The following TEKT3 variants were observed in gnomAD, a reference collection of about 807,000 sequenced individuals.
The protein encoded by TEKT3 is tektin 3.
A neutral mutation model predicts 49.8 loss-of-function variants in TEKT3; 49 were observed. The ratio of observed to expected loss-of-function variants is 0.98; its 90% CI spans 0.78 to 1.25. The LOEUF (loss-of-function observed/expected upper bound fraction) is 1.25, where lower values mean the gene tolerates loss of function less well. Among genes scored for constraint, TEKT3 ranks in the 50% most tolerant of loss-of-function variants. The probability of loss-of-function intolerance (pLI) is 0.00; values close to 1 mark genes in which losing one functional copy is unlikely to be tolerated. For synonymous variants in TEKT3, 225 were observed against 237.2 expected (o/e 0.95, Z 0.47); for missense variants, 595 against 629.5 (o/e 0.95, Z 0.59).
Position 15,303,823 on chromosome 17 carries a change from C to T in TEKT3, c.*113G>A. 9.8e-7 allele frequency: 1 copy of T among 1,017,228 alleles called. No homozygotes were observed. Among genetic ancestry groups the T allele is most frequent in the Admixed American group, 2.1e-5 (1 of 46,694 alleles). The allele number at this position is 1,017,228 out of a possible 1,614,324, so 63.0% of individuals were successfully genotyped here. A position where few individuals can be genotyped will look rare whatever the true frequency, so the allele number is the denominator to read the frequency against. On this transcript the variant is annotated 3_prime_UTR_variant, in exon 9 of 9. Transcript: ENST00000395930. Reference sequence around the variant, plus strand: ...TCCGAGACAGGAGGTTGGTACATTTCCATCAGCATAATCCTTTAATAAGTG... The same window carrying T: ...TCCGAGACAGGAGGTTGGTACATTTTCATCAGCATAATCCTTTAATAAGTG...
At chr17:15,338,751 C>T (rs1912104488) in intron 2 of TEKT3, among the ~76,000 whole-genome samples, 1 of 145,226 alleles carries the variant, frequency 6.9e-6, no homozygotes, top group Non-Finnish European at 1.5e-5. Context: ...CTCCTGAACT[C>T]GTGATCTGCC....
upstream of TEKT3, among the ~76,000 whole-genome samples, chr17:15,341,823 G>C (rs1912245280): frequency 6.6e-6 from 1 of 152,220 alleles, no homozygotes; most frequent in South Asian, 2.1e-4. Context: ...GACCTCCTTG[G>C]TTTGGGAGGT....
At chr17:15,342,143 C>G (rs570800017), upstream of TEKT3, among the ~76,000 whole-genome samples, 5 of 152,158 alleles carry the variant, frequency 3.3e-5, no homozygotes, top group Non-Finnish European at 5.9e-5. Context: ...AACAGCAGCC[C>G]GTACTGTTTC....
At position 15,314,227 on chromosome 17, in the gene TEKT3, G is replaced by A. The variant is rs780891530; in HGVS notation, c.738C>T (p.Ala246=). The A allele has an allele frequency of 4.3e-6, 7 of 1,614,152 alleles. No individual in the cohort carries two copies. The East Asian group carries it at 1.6e-4, about 36-fold the overall frequency. The change falls in exon 6 of 9, where the codon GCC becomes GCT. Residue 246 remains alanine (A), a synonymous_variant. Coordinates refer to ENST00000395930, the MANE Select transcript of TEKT3 (RefSeq NM_031898.3). ...HLDKAIAQLA[A]NRASQHELEK... ...CCAGCTCATGCTGGGACGCTCTGTT[G>A]GCTCTGCAATACAGAGTCGGGAAGT...
chr17:15,331,208 G>A lies in TEKT3; in HGVS notation c.378C>T (p.Arg126=), dbSNP rs769739488. 4 of 1,614,188 alleles carry A rather than the reference G, an allele frequency of 2.5e-6. No homozygotes were observed. Among genetic ancestry groups the A allele is most frequent in the East Asian group, 4.5e-5 (2 of 44,892 alleles). ...NSEKLRVDTS[R]LIQDKYQQTR... is the part of the protein sequence containing the mutation. ...TTTGTTGATATTTGTCTTGAATCAG[G>A]CGAGATGTATCCACTCTTAGTTTCT... Residue 126 remains arginine (R), a synonymous_variant, in exon 3 of 9, where the codon CGC becomes CGT. Transcript: ENST00000395930.
chr17:15,343,554 C>T (rs1433815543), upstream of TEKT3, among the ~76,000 whole-genome samples: 1 of 152,324 alleles, frequency 6.6e-6, no homozygotes, highest in East Asian at 1.9e-4. Flanking sequence ...GTGTCTGTTT[C>T]TGTTCATCTC....
chr17:15,313,489 T>C (rs1243264611), intron 6 of TEKT3, among the ~76,000 whole-genome samples: 2 of 152,072 alleles, frequency 1.3e-5, no homozygotes, highest in Admixed American at 6.5e-5. Context: ...AATGGCAACT[T>C]GTGGCTTGTC....
chr17:15,325,368 T>C (rs1028739567), intron 4 of TEKT3, among the ~76,000 whole-genome samples: 8 of 152,182 alleles, frequency 5.3e-5, no homozygotes, highest in African/African-American at 1.9e-4. Flanking sequence ...ACATCCATGT[T>C]TATGGATGTT....
At chr17:15,327,752 A>C (rs926834102) in intron 4 of TEKT3, 2 of 422,600 alleles carry the variant, frequency 4.7e-6, no homozygotes, top group Non-Finnish European at 4.2e-6. Flanking sequence ...ATTAATAGTG[A>C]TTTCTGTCTA....
At chr17:15,323,220 T>C (rs1911340948) in intron 4 of TEKT3, among the ~76,000 whole-genome samples, 1 of 152,210 alleles carries the variant, frequency 6.6e-6, no homozygotes, top group Non-Finnish European at 1.5e-5. Flanking sequence ...CTGGAACTCA[T>C]TGGTTGCATT....
chr17:15,314,654 CCT>C (rs1468844463), intron 5 of TEKT3, among the ~76,000 whole-genome samples: 1 of 152,176 alleles, frequency 6.6e-6, no homozygotes, highest in Non-Finnish European at 1.5e-5. Context: ...GCTCCCTTTT[CCT>C]CCATTATTTG....
At chr17:15,311,129 C>T (rs1910756003) in intron 7 of TEKT3, 1 of 152,210 alleles carries the variant, frequency 6.6e-6, no homozygotes, top group Non-Finnish European at 1.5e-5. Flanking sequence ...GTAATGTAAA[C>T]TTCCTAATAA....
chr17:15,320,162 C>T (rs1399952738), intron 4 of TEKT3, among the ~76,000 whole-genome samples: 2 of 152,180 alleles, frequency 1.3e-5, no homozygotes, highest in South Asian at 2.1e-4. Context: ...TCCATCTTCA[C>T]CAGTGTGATG....
At chr17:15,321,070 C>T (rs75371966) in intron 4 of TEKT3, among the ~76,000 whole-genome samples, 4,895 of 149,560 alleles carry the variant, frequency 0.033, 212 homozygotes, top group East Asian at 0.21. Flanking sequence ...AGTGCAGTGG[C>T]GCGATCTCGG....
At chr17:15,330,960 T>G in intron 3 of TEKT3, 47 bp downstream of exon 3, 2 of 1,484,466 alleles carry the variant, frequency 1.3e-6, no homozygotes, top group Non-Finnish European at 9.0e-7. Flanking sequence ...ACTCAACCAG[T>G]GGGTTATAAT....
rs1214818404 is a variant in TEKT3 at position 15,312,258 on chromosome 17, C to T, written c.1101+1G>A. On this transcript the variant is annotated splice_donor_variant, in intron 7 of 8. Coordinates refer to ENST00000395930, the MANE Select transcript of TEKT3 (RefSeq NM_031898.3). LOFTEE classifies it high-confidence loss of function. ...AGGGGTACCACTGGCGGTTGATTTACCTTTGCTAAGTGCGTCTGAATCTTA... is the reference window on the plus strand; with the variant it reads ...AGGGGTACCACTGGCGGTTGATTTATCTTTGCTAAGTGCGTCTGAATCTTA... 6.2e-7 allele frequency: 1 copy of T among 1,613,960 alleles called. No homozygotes were observed. Among genetic ancestry groups the T allele is most frequent in the Non-Finnish European group, 8.5e-7 (1 of 1,180,010 alleles).
At chr17:15,335,234 A>G (rs1336395958) in intron 2 of TEKT3, among the ~76,000 whole-genome samples, 3 of 152,228 alleles carry the variant, frequency 2.0e-5, no homozygotes, top group Admixed American at 2.0e-4. Flanking sequence ...TCTGGAATAA[A>G]GTGAGCTATG....
At chr17:15,329,167 T>C (rs539449490) in intron 3 of TEKT3, among the ~76,000 whole-genome samples, 3 of 152,320 alleles carry the variant, frequency 2.0e-5, no homozygotes, top group South Asian at 2.1e-4. Flanking sequence ...GCAAATTTGA[T>C]AGGCCAAAGG....
intron 2 of TEKT3, among the ~76,000 whole-genome samples, chr17:15,334,016 G>C (rs964081396): frequency 5.3e-5 from 8 of 151,822 alleles, no homozygotes; most frequent in African/African-American, 1.9e-4. Context: ...ACCCACCTCG[G>C]CCTCTCAAAG....
Sources: allele counts gnomAD v4.1 joint callset (sites outside exome capture counted in the v4.1 genomes callset), GRCh38; gene constraint gnomAD v4.1.1; transcripts MANE v1.5; gene names NCBI Gene and HGNC (gene_info 2026-07-23, HGNC 2026-07-21).